SMYD3: variants seen among roughly 807,000 people sequenced by gnomAD.
The protein encoded by SMYD3 is SET and MYND domain containing 3, also known as histone-lysine N-methyltransferase SMYD3.
Under a neutral mutation model 57.7 loss-of-function variants are expected in SMYD3, and 36 were observed. The ratio of observed to expected loss-of-function variants is 0.62; its 90% CI spans 0.48 to 0.82. The LOEUF is 0.82. SMYD3 is among the 40% of genes least tolerant of loss of function. The pLI, the probability that SMYD3 is intolerant of heterozygous loss-of-function variation, is 0.00. For missense variants in SMYD3, 515 were observed against 538.8 expected, an observed-to-expected ratio of 0.96 and a Z score of 0.44; for synonymous variants, 211 against 195.0, an observed-to-expected ratio of 1.08 and a Z score of -0.68.
chr1:246,155,691 C>G lies in SMYD3; in HGVS notation c.531+171510G>C, dbSNP rs188428601. Among the ~76,000 whole-genome samples the G allele has an allele frequency of 2.0e-5, 3 of 152,242 alleles. No individual in the cohort carries two copies. The East Asian group carries it at 5.8e-4, about 29-fold the overall frequency. On this transcript the variant is annotated intron_variant, in intron 5 of 11. Transcript: ENST00000490107. Reference sequence around the variant, plus strand: ...TGCTCATAGTTAGCACCAAGAACTACACATCTCGCCAGGTACAGGGGCTCG... The same window carrying G: ...TGCTCATAGTTAGCACCAAGAACTAGACATCTCGCCAGGTACAGGGGCTCG...
intron 1 of SMYD3, among the ~76,000 whole-genome samples, chr1:246,465,389 A>G (rs555354379): frequency 5.9e-5 from 9 of 152,222 alleles, no homozygotes; most frequent in Non-Finnish European, 1.0e-4. Flanking sequence ...AGCTGCCATC[A>G]CTCTGTAAAT....
intron 1 of SMYD3, among the ~76,000 whole-genome samples, chr1:246,447,847 CTTTTTTCAAA>C (rs955984649): frequency 2.6e-5 from 4 of 152,192 alleles, no homozygotes; most frequent in African/African-American, 9.7e-5. Flanking sequence ...TTTCCTCCCA[CTTTTTTCAAA>C]TAGAAGAGGT....
At chr1:246,426,318 G>C (rs2067217360) in intron 1 of SMYD3, among the ~76,000 whole-genome samples, 1 of 152,032 alleles carries the variant, frequency 6.6e-6, no homozygotes, top group South Asian at 2.1e-4. Flanking sequence ...AGTATATTTA[G>C]AGAGCTGTAC....
intron 1 of SMYD3, among the ~76,000 whole-genome samples, chr1:246,477,589 T>A (rs2068045278): frequency 6.6e-6 from 1 of 152,260 alleles, no homozygotes; most frequent in Non-Finnish European, 1.5e-5. Context: ...ATGTCATAGT[T>A]CTTTGTTTTA....
intron 5 of SMYD3, among the ~76,000 whole-genome samples, chr1:246,057,083 C>T (rs1249217351): frequency 2.0e-5 from 3 of 152,128 alleles, no homozygotes; most frequent in Non-Finnish European, 4.4e-5. Context: ...AGATCTGACT[C>T]CAAGTTCAAG....
chr1:246,224,508 C>G (rs2063300919), intron 5 of SMYD3, among the ~76,000 whole-genome samples: 1 of 151,808 alleles, frequency 6.6e-6, no homozygotes, highest in South Asian at 2.1e-4. Context: ...GGGATTCACA[C>G]TGTATTCTAG....
intron 5 of SMYD3, among the ~76,000 whole-genome samples, chr1:245,989,339 C>G (rs1305793809): frequency 6.6e-6 from 1 of 152,190 alleles, no homozygotes; most frequent in Non-Finnish European, 1.5e-5. Context: ...TGACCATTTC[C>G]TCTCTTATCC....
At chr1:246,019,310 G>A (rs10158621) in intron 5 of SMYD3, among the ~76,000 whole-genome samples, 1 of 152,180 alleles carries the variant, frequency 6.6e-6, no homozygotes, top group South Asian at 2.1e-4. Context: ...ACGACCAAAG[G>A]TTATCCAGCC....
intron 10 of SMYD3, among the ~76,000 whole-genome samples, chr1:245,828,840 T>C (rs1043130634): frequency 1.3e-5 from 2 of 152,064 alleles, no homozygotes; most frequent in Non-Finnish European, 2.9e-5. Flanking sequence ...GTAACTGGGA[T>C]TACAGGCATG....
intron 5 of SMYD3, among the ~76,000 whole-genome samples, chr1:246,234,032 C>T (rs12749755): frequency 4.9e-4 from 50 of 102,572 alleles, no homozygotes; most frequent in Non-Finnish European, 6.1e-4. Flanking sequence ...CTCCTTCAAT[C>T]CACACTGTGA....
At chr1:246,272,248 C>T (rs2064237613) in intron 5 of SMYD3, among the ~76,000 whole-genome samples, 1 of 152,110 alleles carries the variant, frequency 6.6e-6, no homozygotes, top group Admixed American at 6.6e-5. Context: ...TTACCTCTTC[C>T]TTTCCAATTT....
chr1:245,790,942 G>C (rs147223567), intron 10 of SMYD3, among the ~76,000 whole-genome samples: 2 of 152,162 alleles, frequency 1.3e-5, no homozygotes, highest in East Asian at 3.9e-4. Context: ...TTACCTCAAA[G>C]CCCAGGGAAA....
intron 10 of SMYD3, among the ~76,000 whole-genome samples, chr1:245,797,028 T>C (rs149842919): frequency 6.6e-6 from 1 of 152,318 alleles, no homozygotes; most frequent in East Asian, 1.9e-4. Context: ...AGAATCAGGC[T>C]ATAGAGGAAA....
chr1:246,102,875 A>G (rs2061043569), intron 5 of SMYD3, among the ~76,000 whole-genome samples: 1 of 152,154 alleles, frequency 6.6e-6, no homozygotes, highest in Non-Finnish European at 1.5e-5. Flanking sequence ...ACAGAAGGGG[A>G]CCCTGTCTCT....
intron 8 of SMYD3, among the ~76,000 whole-genome samples, chr1:245,904,638 C>CG (rs1373284992): frequency 6.6e-6 from 1 of 152,066 alleles, no homozygotes; most frequent in Non-Finnish European, 1.5e-5. Context: ...CTGTTGGCCT[C>CG]TAAGTAAACC....
chr1:246,252,485 G>A (rs2063813454), intron 5 of SMYD3, among the ~76,000 whole-genome samples: 1 of 152,228 alleles, frequency 6.6e-6, no homozygotes, highest in Admixed American at 6.5e-5. Flanking sequence ...GCAGTATGAA[G>A]AAACATATGT....
intron 5 of SMYD3, among the ~76,000 whole-genome samples, chr1:246,019,020 G>A (rs1222502804): frequency 6.6e-6 from 1 of 152,046 alleles, no homozygotes; most frequent in Admixed American, 6.6e-5. Flanking sequence ...TTTTTTAATA[G>A]AAAATTGTAT....
chr1:246,410,833 T>C (rs2102984689), intron 1 of SMYD3, among the ~76,000 whole-genome samples: 1 of 152,300 alleles, frequency 6.6e-6, no homozygotes, highest in South Asian at 2.1e-4. Context: ...TATTAATTAT[T>C]GCCTCAATTT....
Position 246,499,165 on chromosome 1 carries a change from A to G in SMYD3, c.164+7889T>C, listed in dbSNP as rs114864937. On this transcript the variant is annotated intron_variant, in intron 1 of 11. Transcript: ENST00000490107. ...CTCATTAAATTTTCGTTGTTTTAAAAAATACACACGGGCCTATAGTCCCAG... is the reference window on the plus strand; with the variant it reads ...CTCATTAAATTTTCGTTGTTTTAAAGAATACACACGGGCCTATAGTCCCAG... 9.6e-3 allele frequency among the ~76,000 whole-genome samples: 1,444 copies of G among 150,940 alleles called. 31 individuals are homozygous for G. The highest frequency in any genetic ancestry group is 0.033 in the African/African-American group (1,329 of 40,568).
Sources: allele counts gnomAD v4.1 joint callset (sites outside exome capture counted in the v4.1 genomes callset), GRCh38; gene constraint gnomAD v4.1.1; transcripts MANE v1.5; gene names NCBI Gene and HGNC (gene_info 2026-07-23, HGNC 2026-07-21).